Variants in UBTD1 observed in about 807,000 individuals in gnomAD.
The protein encoded by UBTD1 is ubiquitin domain-containing protein 1.
UBTD1 carries 19 observed loss-of-function variants against 21.7 expected under a neutral mutation model. The observed-to-expected ratio is 0.87, with a 90% CI of 0.61 to 1.28. The LOEUF is 1.28. Ranked by LOEUF, UBTD1 falls within the 50% of genes most tolerant of loss-of-function variation. UBTD1 has a pLI of 0.00. For missense variants in UBTD1, 282 were observed against 315.1 expected (o/e 0.89, Z 0.80); for synonymous variants, 116 against 135.1 (o/e 0.86, Z 0.98).
intron 1 of UBTD1, among the ~76,000 whole-genome samples, chr10:97,503,465 C>T (rs1033183295): frequency 1.3e-5 from 2 of 152,214 alleles, no homozygotes; most frequent in Middle Eastern, 3.2e-3. Flanking sequence ...AAGTCTCTTG[C>T]CCAGCTCCAC....
At chr10:97,567,556 G>A (rs1407929698) in intron 1 of UBTD1, among the ~76,000 whole-genome samples, 2 of 151,984 alleles carry the variant, frequency 1.3e-5, no homozygotes, top group African/African-American at 4.8e-5. Flanking sequence ...CTACTCGGGA[G>A]GCTGAGGCAG....
chr10:97,539,921 T>C (rs1248177131), intron 1 of UBTD1, among the ~76,000 whole-genome samples: 1 of 49,296 alleles, frequency 2.0e-5, no homozygotes, highest in Non-Finnish European at 4.5e-5. Flanking sequence ...ATCAAATAGC[T>C]GGGATGCCTG....
intron 1 of UBTD1, among the ~76,000 whole-genome samples, chr10:97,512,460 C>T (rs193225162): frequency 6.8e-4 from 104 of 152,342 alleles, no homozygotes; most frequent in Middle Eastern, 6.8e-3. Context: ...ACTGAGGAGA[C>T]AGGAGGCCTT....
chr10:97,509,951 C>T lies in UBTD1; in HGVS notation c.70+10678C>T, dbSNP rs558195600. On this transcript the variant is annotated intron_variant, in intron 1 of 2. Transcript: ENST00000370664. ...CAGGCATGAGCCACCATGCCTGTGCCTGGCCTTTTTTTTTTTCTTTTTCTT... is the reference window on the plus strand; with the variant it reads ...CAGGCATGAGCCACCATGCCTGTGCTTGGCCTTTTTTTTTTTCTTTTTCTT... Among the ~76,000 whole-genome samples, 596 of 143,488 alleles carry T rather than the reference C, an allele frequency of 4.2e-3. 3 individuals are homozygous for T. The highest frequency in any genetic ancestry group is 9.4e-3 in the Middle Eastern group (2 of 212). 94.1% of individuals were successfully genotyped at this position (143,488 alleles called of 152,430 possible). A position where few individuals can be genotyped will look rare whatever the true frequency, so the allele number is the denominator to read the frequency against.
intron 1 of UBTD1, among the ~76,000 whole-genome samples, chr10:97,547,524 G>A (rs1247651577): frequency 6.6e-6 from 1 of 152,076 alleles, no homozygotes; most frequent in Non-Finnish European, 1.5e-5. Flanking sequence ...CTGCTGCACC[G>A]CGAAATAAAG....
At chr10:97,557,957 G>C (rs960079917) in intron 1 of UBTD1, among the ~76,000 whole-genome samples, 3 of 152,176 alleles carry the variant, frequency 2.0e-5, no homozygotes, top group Non-Finnish European at 4.4e-5. Context: ...GTCTGAGAAA[G>C]GTCAGTTGAA....
intron 1 of UBTD1, among the ~76,000 whole-genome samples, chr10:97,567,694 C>T (rs112153501): frequency 3.8e-4 from 58 of 152,042 alleles, no homozygotes; most frequent in African/African-American, 1.3e-3. Context: ...ACAATGGTAG[C>T]GTATGCTTTG....
intron 1 of UBTD1, among the ~76,000 whole-genome samples, chr10:97,502,265 C>A (rs1011329740): frequency 3.3e-5 from 5 of 151,994 alleles, no homozygotes; most frequent in Admixed American, 6.6e-5. Context: ...TCATAAAGTC[C>A]AAAGCCGAGG....
intron 1 of UBTD1, among the ~76,000 whole-genome samples, chr10:97,565,998 G>A (rs1469759152): frequency 6.6e-6 from 1 of 152,174 alleles, no homozygotes; most frequent in Admixed American, 6.5e-5. Context: ...ACAGGTGTGA[G>A]CCACTAGGCC....
intron 1 of UBTD1, 48 bp downstream of exon 1, chr10:97,499,321 C>T (rs1035935460): frequency 6.5e-7 from 1 of 1,533,270 alleles, no homozygotes; most frequent in Non-Finnish European, 8.8e-7. Context: ...GCCAGTTGTC[C>T]CCCTCCTCGC....
chr10:97,544,622 C>T (rs2040600467), intron 1 of UBTD1, among the ~76,000 whole-genome samples: 1 of 152,088 alleles, frequency 6.6e-6, no homozygotes, highest in African/African-American at 2.4e-5. Context: ...AGTTGATTAA[C>T]ACATATTTTG....
intron 1 of UBTD1, among the ~76,000 whole-genome samples, chr10:97,518,413 C>A (rs1192023571): frequency 6.6e-6 from 1 of 152,254 alleles, no homozygotes. Flanking sequence ...CTGTATGAGT[C>A]ATGCCTACCG....
chr10:97,521,440 T>A lies in UBTD1; in HGVS notation c.70+22167T>A, dbSNP rs535314038. Among the ~76,000 whole-genome samples the A allele has an allele frequency of 2.8e-4, 42 of 152,332 alleles. 1 individual carries two copies. In the South Asian group the frequency reaches 8.5e-3, roughly 31 times the overall value. On this transcript the variant is annotated intron_variant, in intron 1 of 2. Coordinates refer to ENST00000370664, the MANE Select transcript of UBTD1 (RefSeq NM_024954.5). Reference sequence around the variant, plus strand: ...GTCTGACGTGGGAACGGGCTGCCTCTGAGAGCCCAGCCTCCAGGGGTGGTG... The same window carrying A: ...GTCTGACGTGGGAACGGGCTGCCTCAGAGAGCCCAGCCTCCAGGGGTGGTG...
In UBTD1 at chr10:97,509,201, C is replaced by T. The variant is rs559586523; in HGVS notation, c.70+9928C>T. The stretch of plus-strand genomic sequence containing the variant: ...TAGGCAAGGCAGGACTCATTTTTCC[C>T]GTTTTATAGGTGAGGACACTGAGAC... On this transcript the variant is annotated intron_variant, in intron 1 of 2. Coordinates refer to ENST00000370664, the MANE Select transcript of UBTD1 (RefSeq NM_024954.5). Among the ~76,000 whole-genome samples the T allele has an allele frequency of 4.6e-5, 7 of 152,250 alleles. No individual in the cohort carries two copies. The East Asian group carries it at 5.8e-4, about 13-fold the overall frequency.
chr10:97,511,524 C>T (rs10786352), intron 1 of UBTD1, among the ~76,000 whole-genome samples: 32,816 of 152,098 alleles, frequency 0.22, 3,945 homozygotes, highest in Non-Finnish European at 0.27. Flanking sequence ...ACTATATATC[C>T]GAATGTGCCA....
Position 97,536,245 on chromosome 10 carries a change from G to A in UBTD1, c.71-31669G>A, listed in dbSNP as rs554234492. 2.2e-4 allele frequency among the ~76,000 whole-genome samples: 34 copies of A among 152,192 alleles called. No homozygotes were observed. The South Asian group carries it at 6.4e-3, about 29-fold the overall frequency. On this transcript the variant is annotated intron_variant, in intron 1 of 2. Coordinates refer to ENST00000370664, the MANE Select transcript of UBTD1 (RefSeq NM_024954.5). ...GACCTCATGTGATCCATCCGCCTCC[G>A]CCTCCCAAAGTGCTGGGATTACAGG...
At chr10:97,534,660 G>T (rs944583650) in intron 1 of UBTD1, among the ~76,000 whole-genome samples, 17 of 151,668 alleles carry the variant, frequency 1.1e-4, no homozygotes, top group African/African-American at 4.1e-4. Context: ...ATATATCCTA[G>T]AATGTGAAAG....
chr10:97,503,426 C>T (rs917003178), intron 1 of UBTD1, among the ~76,000 whole-genome samples: 9 of 152,192 alleles, frequency 5.9e-5, no homozygotes, highest in African/African-American at 1.9e-4. Context: ...CCAGCCACTC[C>T]AGGGAGAGGT....
At chr10:97,548,373 G>A (rs1188309396) in intron 1 of UBTD1, among the ~76,000 whole-genome samples, 1 of 152,224 alleles carries the variant, frequency 6.6e-6, no homozygotes, top group Non-Finnish European at 1.5e-5. Flanking sequence ...GTTGACTGCA[G>A]GAAAGGGACA....
Sources: allele counts gnomAD v4.1 joint callset (sites outside exome capture counted in the v4.1 genomes callset), GRCh38; gene constraint gnomAD v4.1.1; transcripts MANE v1.5; gene names NCBI Gene and HGNC (gene_info 2026-07-23, HGNC 2026-07-21).